HNF1B: variants seen among roughly 807,000 people sequenced by gnomAD.
HNF1B encodes HNF1 homeobox B.
A neutral mutation model predicts 61.7 loss-of-function variants in HNF1B; 8 were observed. The ratio of observed to expected loss-of-function variants is 0.13; its 90% CI spans 0.08 to 0.23. The LOEUF is 0.23. HNF1B is among the 10% of genes least tolerant of loss of function. The pLI is 1.00. For synonymous variants in HNF1B, 314 were observed against 287.7 expected (o/e 1.09, Z -0.93); for missense variants, 562 against 714.5 (o/e 0.79, Z 2.43).
rs1002083720 is a variant in HNF1B, at chr17:37,690,830, A to C, written c.1654-3438T>G. ...TTAGACATGCGTCTGTCCCTGCCGA[A>C]GCAGCACTGGATCTGTGAGTGAGCA... On this transcript the variant is annotated intron_variant, in intron 8 of 8. Transcript: ENST00000617811. Among the ~76,000 whole-genome samples the C allele has an allele frequency of 2.0e-5, 3 of 152,222 alleles. No homozygotes were observed. In the South Asian group the frequency reaches 6.2e-4, roughly 32 times the overall value.
At chr17:37,743,238 C>T (rs1166107797) in intron 1 of HNF1B, among the ~76,000 whole-genome samples, 4 of 152,146 alleles carry the variant, frequency 2.6e-5, no homozygotes, top group African/African-American at 9.7e-5. Flanking sequence ...AGCGACCTCC[C>T]CGGCAGCCCT....
intron 2 of HNF1B, among the ~76,000 whole-genome samples, chr17:37,735,555 G>C (rs2033809262): frequency 6.6e-6 from 1 of 152,160 alleles, no homozygotes; most frequent in African/African-American, 2.4e-5. Context: ...TGCCACTATA[G>C]ACCTGAGAGA....
chr17:37,738,929 A>G (rs1013655980), intron 2 of HNF1B, among the ~76,000 whole-genome samples: 13 of 152,236 alleles, frequency 8.5e-5, no homozygotes, highest in Non-Finnish European at 1.9e-4. Context: ...AATCCCTCCC[A>G]CTATCCTCCA....
At chr17:37,720,885 G>A (rs2033291488) in intron 4 of HNF1B, 1 of 985,206 alleles carries the variant, frequency 1.0e-6, no homozygotes, top group African/African-American at 1.7e-5. Flanking sequence ...TCCCCTGGCT[G>A]TAGGGTTGTA....
At chr17:37,727,947 T>G (rs1304498221) in intron 4 of HNF1B, among the ~76,000 whole-genome samples, 1 of 151,828 alleles carries the variant, frequency 6.6e-6, no homozygotes, top group African/African-American at 2.4e-5. Flanking sequence ...GGGTTGCTAG[T>G]GCTGACGGTG....
At position 37,726,251 on chromosome 17, in the gene HNF1B, C is replaced by T. The variant is rs79416562; in HGVS notation, c.1045+5344G>A. Among the ~76,000 whole-genome samples, 685 of 152,276 alleles carry T rather than the reference C, an allele frequency of 4.5e-3. 15 individuals carry two copies. In the East Asian group the frequency reaches 0.062, roughly 14 times the overall value. On this transcript the variant is annotated intron_variant, in intron 4 of 8. Transcript: ENST00000617811. ...AAGAGATGGACAGTGTGCAACAGCTCAAAACCTCTCCCCACCACTTACTAA... is the reference window on the plus strand; with the variant it reads ...AAGAGATGGACAGTGTGCAACAGCTTAAAACCTCTCCCCACCACTTACTAA...
intron 7 of HNF1B, 82 bp downstream of exon 7, chr17:37,700,901 G>A: frequency 7.5e-7 from 1 of 1,328,898 alleles, no homozygotes; most frequent in South Asian, 1.3e-5. Context: ...AAACTTCCGA[G>A]AAAGTTCAGA....
Position 37,704,969 on chromosome 17 carries a change from T to C in HNF1B, c.1287A>G (p.Gln429=). 1 of 1,587,636 alleles carries C rather than the reference T, an allele frequency of 6.3e-7. No homozygotes were observed. The highest frequency in any genetic ancestry group is 8.6e-7 in the Non-Finnish European group (1 of 1,156,404). Residue 429 remains glutamine (Q), a synonymous_variant, in exon 6 of 9, where the codon CAA becomes CAG. Coordinates refer to ENST00000617811, the MANE Select transcript of HNF1B (RefSeq NM_000458.4). ...GGGGTGTCATGATGAGGTTTTGAGATTGCTGGGGATTATGGTGGGAGAGGC... is the reference window on the plus strand; with the variant it reads ...GGGGTGTCATGATGAGGTTTTGAGACTGCTGGGGATTATGGTGGGAGAGGC... ...IHSLSHHNPQ[Q]SQNLIMTPLS...
Position 37,687,351 on chromosome 17 carries a change from G to A in HNF1B, c.*21C>T, listed in dbSNP as rs772737211. The A allele has an allele frequency of 7.4e-6, 12 of 1,613,962 alleles. No homozygotes were observed. Among genetic ancestry groups the A allele is most frequent in the Admixed American group, 3.3e-5 (2 of 60,004 alleles). ...AAACAGGGTCCTTGTTGTTGCGCAC[G>A]AAGTAAGTGGTGTGTGGGCATCACC... On this transcript the variant is annotated 3_prime_UTR_variant, in exon 9 of 9. Transcript: ENST00000617811.
chr17:37,692,991 G>C (rs753890513), intron 8 of HNF1B, among the ~76,000 whole-genome samples: 1 of 151,854 alleles, frequency 6.6e-6, no homozygotes, highest in Non-Finnish European at 1.5e-5. Flanking sequence ...GAATTTGAGA[G>C]CAGCCTGGCC....
At chr17:37,718,503 CTG>C (rs67149712) in intron 4 of HNF1B, among the ~76,000 whole-genome samples, 2,415 of 152,308 alleles carry the variant, frequency 0.016, 50 homozygotes, top group South Asian at 0.062. Context: ...GAGTGGAAAA[CTG>C]AGGTTCAGAG....
intron 1 of HNF1B, among the ~76,000 whole-genome samples, chr17:37,742,121 C>A (rs2034009817): frequency 6.6e-6 from 1 of 152,272 alleles, no homozygotes. Context: ...GCCGCGGCGC[C>A]CGCAGGGTCC....
At chr17:37,692,514 G>A (rs1292658605) in intron 8 of HNF1B, among the ~76,000 whole-genome samples, 1 of 152,186 alleles carries the variant, frequency 6.6e-6, no homozygotes, top group Non-Finnish European at 1.5e-5. Flanking sequence ...TTGCAGAATG[G>A]GTAAGAGGGT....
At chr17:37,742,816 G>A (rs970755005) in intron 1 of HNF1B, among the ~76,000 whole-genome samples, 1 of 151,282 alleles carries the variant, frequency 6.6e-6, no homozygotes, top group Admixed American at 6.6e-5. Flanking sequence ...CAGAGCCCGC[G>A]TCCCGCGCCA....
rs142379661 is a variant in HNF1B at position 37,699,217 on chromosome 17, G to A, written c.1535-23C>T. The A allele has an allele frequency of 4.5e-4, 715 of 1,574,462 alleles. No individual in the cohort carries two copies. In the African/African-American group the frequency reaches 6.0e-3, roughly 13 times the overall value. On this transcript the variant is annotated intron_variant, in intron 7 of 8. Coordinates refer to ENST00000617811, the MANE Select transcript of HNF1B (RefSeq NM_000458.4). Reference sequence around the variant, plus strand: ...ACACTGGAGAGACAGAGTGAAGACAGAATCAAGGTGCATACACAGGCAAAG... The same window carrying A: ...ACACTGGAGAGACAGAGTGAAGACAAAATCAAGGTGCATACACAGGCAAAG...
At chr17:37,715,859 C>T (rs958891251) in intron 4 of HNF1B, among the ~76,000 whole-genome samples, 1 of 152,142 alleles carries the variant, frequency 6.6e-6, no homozygotes, top group African/African-American at 2.4e-5. Flanking sequence ...TGGCCGGGCA[C>T]GGTGGCTCAT....
chr17:37,741,271 T>C (rs1012768257), intron 1 of HNF1B, among the ~76,000 whole-genome samples: 8 of 152,230 alleles, frequency 5.3e-5, no homozygotes, highest in African/African-American at 1.9e-4. Flanking sequence ...ACATATTTTA[T>C]AAGCATTTGG....
intron 4 of HNF1B, among the ~76,000 whole-genome samples, chr17:37,721,320 G>A (rs1055685972): frequency 1.3e-5 from 2 of 152,158 alleles, no homozygotes; most frequent in African/African-American, 4.8e-5. Flanking sequence ...GGGAAGGAGC[G>A]AGGGAGTGAG....
At chr17:37,724,105 T>TA (rs906802480) in intron 4 of HNF1B, among the ~76,000 whole-genome samples, 18 of 152,182 alleles carry the variant, frequency 1.2e-4, no homozygotes, top group African/African-American at 4.3e-4. Context: ...AGTTAGTTGC[T>TA]AATCCAACTC....
Sources: allele counts gnomAD v4.1 joint callset (sites outside exome capture counted in the v4.1 genomes callset), GRCh38; gene constraint gnomAD v4.1.1; transcripts MANE v1.5; gene names NCBI Gene and HGNC (gene_info 2026-07-23, HGNC 2026-07-21).